The following CCDC102B variants were observed in gnomAD, a reference collection of about 807,000 sequenced individuals.
The protein encoded by CCDC102B is coiled-coil domain containing 102B.
A neutral mutation model predicts 57.4 loss-of-function variants in CCDC102B; 75 were observed. The ratio of observed to expected loss-of-function variants is 1.31; its 90% CI spans 1.08 to 1.58. CCDC102B has a LOEUF of 1.58. Among genes scored for constraint, CCDC102B ranks in the 40% most tolerant of loss-of-function variants. CCDC102B has a pLI of 0.00. For synonymous variants in CCDC102B, 206 were observed against 201.9 expected, an observed-to-expected ratio of 1.02 and a Z score of -0.17; for missense variants, 636 against 582.6, an observed-to-expected ratio of 1.09 and a Z score of -0.94.
At chr18:68,989,054 A>G (rs564889155) in intron 6 of CCDC102B, among the ~76,000 whole-genome samples, 28 of 152,252 alleles carry the variant, frequency 1.8e-4, no homozygotes, top group African/African-American at 6.5e-4. Flanking sequence ...CTGACTCTAA[A>G]TACTATGCCT....
chr18:69,025,497 G>A (rs2051960230), intron 7 of CCDC102B, among the ~76,000 whole-genome samples: 1 of 152,168 alleles, frequency 6.6e-6, no homozygotes, highest in African/African-American at 2.4e-5. Context: ...GCATGTGCGT[G>A]TAAGCTATTT....
chr18:68,854,645 C>T (rs1165380005), intron 4 of CCDC102B, among the ~76,000 whole-genome samples: 2 of 152,066 alleles, frequency 1.3e-5, no homozygotes, highest in Non-Finnish European at 2.9e-5. Context: ...GGTGTAATCA[C>T]CCTGAGGACA....
intron 2 of CCDC102B, chr18:68,721,329 A>T (rs1311555395): frequency 4.6e-5 from 7 of 152,154 alleles, no homozygotes; most frequent in Admixed American, 3.9e-4. Context: ...CACCCACAAA[A>T]CCACCCTTGT....
intron 6 of CCDC102B, among the ~76,000 whole-genome samples, chr18:69,007,015 A>G (rs953740683): frequency 6.6e-6 from 1 of 152,220 alleles, no homozygotes; most frequent in Non-Finnish European, 1.5e-5. Context: ...GGATTTAGAG[A>G]GAGAAGGTAT....
intron 1 of CCDC102B, among the ~76,000 whole-genome samples, chr18:68,821,697 A>C (rs182047380): frequency 1.3e-4 from 19 of 151,692 alleles, no homozygotes; most frequent in African/African-American, 4.6e-4. Flanking sequence ...ATATGTGTGT[A>C]TATATATATG....
chr18:68,782,200 T>TTA (rs1300193612), intron 2 of CCDC102B, among the ~76,000 whole-genome samples: 3 of 152,106 alleles, frequency 2.0e-5, no homozygotes, highest in Admixed American at 2.0e-4. Context: ...TTGGATTAAA[T>TTA]TATGTATTTT....
At chr18:68,782,803 C>T (rs927024811) in intron 2 of CCDC102B, among the ~76,000 whole-genome samples, 1 of 152,094 alleles carries the variant, frequency 6.6e-6, no homozygotes, top group African/African-American at 2.4e-5. Flanking sequence ...TTTCATAATA[C>T]AGTAAAAATA....
At chr18:69,058,073 C>T (rs1598969591), downstream of CCDC102B, among the ~76,000 whole-genome samples, 1 of 152,026 alleles carries the variant, frequency 6.6e-6, no homozygotes, top group African/African-American at 2.4e-5. Flanking sequence ...TTAGTTCCCA[C>T]TCATAAGTGA....
At chr18:68,773,199 C>A (rs1015232326) in intron 2 of CCDC102B, among the ~76,000 whole-genome samples, 1 of 151,888 alleles carries the variant, frequency 6.6e-6, no homozygotes, top group African/African-American at 2.4e-5. Flanking sequence ...TCAAAAGAAT[C>A]GGATTGAGTT....
At chr18:68,874,304 A>G (rs1275748562) in intron 4 of CCDC102B, among the ~76,000 whole-genome samples, 2 of 151,824 alleles carry the variant, frequency 1.3e-5, no homozygotes, top group African/African-American at 4.8e-5. Flanking sequence ...CATAAAAAGG[A>G]TTACAGAGAA....
intron 6 of CCDC102B, among the ~76,000 whole-genome samples, chr18:68,970,352 A>G (rs1000176000): frequency 6.6e-6 from 1 of 152,060 alleles, no homozygotes; most frequent in East Asian, 1.9e-4. Context: ...ATAAATATTC[A>G]TGTTTTATCC....
intron 1 of CCDC102B, among the ~76,000 whole-genome samples, chr18:68,816,432 C>T (rs1159427282): frequency 6.7e-6 from 1 of 148,952 alleles, no homozygotes; most frequent in Non-Finnish European, 1.5e-5. Flanking sequence ...AGTCACTTTT[C>T]ACTATAGTCT....
chr18:68,906,294 T>A (rs959143415), intron 6 of CCDC102B, among the ~76,000 whole-genome samples: 1 of 151,658 alleles, frequency 6.6e-6, no homozygotes, highest in African/African-American at 2.4e-5. Context: ...TGCATGCACA[T>A]GTATTATTTG....
At chr18:68,985,091 T>G (rs764921122) in intron 6 of CCDC102B, among the ~76,000 whole-genome samples, 2 of 152,132 alleles carry the variant, frequency 1.3e-5, no homozygotes, top group Non-Finnish European at 2.9e-5. Flanking sequence ...TCTACACAAT[T>G]TGTATACCTG....
intron 2 of CCDC102B, among the ~76,000 whole-genome samples, chr18:68,746,100 A>G (rs1192918772): frequency 1.3e-5 from 2 of 152,204 alleles, no homozygotes; most frequent in African/African-American, 4.8e-5. Context: ...TTTATAGCAA[A>G]TTTTAAAAAA....
At chr18:69,019,571 A>G (rs1205035067) in intron 7 of CCDC102B, among the ~76,000 whole-genome samples, 2 of 151,890 alleles carry the variant, frequency 1.3e-5, no homozygotes, top group African/African-American at 4.8e-5. Context: ...TTGCAGGTTG[A>G]TTTCTTATCC....
chr18:68,724,861 A>G (rs2032519258), intron 2 of CCDC102B, among the ~76,000 whole-genome samples: 1 of 152,144 alleles, frequency 6.6e-6, no homozygotes, highest in South Asian at 2.1e-4. Flanking sequence ...AGGTATCCTT[A>G]TAGCAGCACT....
intron 7 of CCDC102B, among the ~76,000 whole-genome samples, chr18:69,017,521 A>G (rs1256955653): frequency 6.6e-6 from 1 of 152,102 alleles, no homozygotes; most frequent in African/African-American, 2.4e-5. Context: ...TAATTTTTGT[A>G]TTTTAACCTT....
chr18:68,839,027 T>A, intron 3 of CCDC102B, 101 bp downstream of exon 3: 3 of 947,836 alleles, frequency 3.2e-6, no homozygotes, highest in Non-Finnish European at 5.0e-6. Flanking sequence ...ATTTTATCCA[T>A]GTTTAGTCAT....
Sources: gnomAD v4.1 joint callset for allele counts (sites outside exome capture counted in the v4.1 genomes callset) on GRCh38, gnomAD v4.1.1 for gene constraint, MANE v1.5 for transcripts, NCBI Gene and HGNC (gene_info 2026-07-23, HGNC 2026-07-21) for gene names.